SGIP1: variants seen among roughly 807,000 people sequenced by gnomAD.
SGIP1 encodes SH3GL interacting endocytic adaptor 1, also known as SH3-containing GRB2-like protein 3-interacting protein 1.
A neutral mutation model predicts 107.5 loss-of-function variants in SGIP1; 38 were observed. The observed-to-expected ratio is 0.35, with a 90% CI of 0.27 to 0.46. SGIP1 has a LOEUF of 0.46. SGIP1 is among the 20% of genes least tolerant of loss of function. SGIP1 has a pLI of 1.00. For synonymous variants in SGIP1, 365 were observed against 366.1 expected, an observed-to-expected ratio of 1.00 and a Z score of 0.03; for missense variants, 929 against 1,019.5, an observed-to-expected ratio of 0.91 and a Z score of 1.21.
At chr1:66,633,021 G>T (rs773766097) in intron 2 of SGIP1, 49 bp from the exon 3 acceptor site, 19 of 1,230,922 alleles carry the variant, frequency 1.5e-5, no homozygotes, top group Non-Finnish European at 2.2e-5. Flanking sequence ...AGTCTATGTG[G>T]CAAGAATGAT....
At chr1:66,720,467 C>T (rs577713427) in intron 19 of SGIP1, among the ~76,000 whole-genome samples, 1 of 152,298 alleles carries the variant, frequency 6.6e-6, no homozygotes, top group Non-Finnish European at 1.5e-5. Context: ...GTGGCTCACA[C>T]CTGTAATTCC....
At chr1:66,677,890 C>T (rs1364175219) in intron 13 of SGIP1, among the ~76,000 whole-genome samples, 1 of 152,208 alleles carries the variant, frequency 6.6e-6, no homozygotes, top group Non-Finnish European at 1.5e-5. Flanking sequence ...TACAGACCAA[C>T]CAATACTTTT....
chr1:66,653,606 A>T (rs2079146261), intron 7 of SGIP1, among the ~76,000 whole-genome samples: 1 of 152,190 alleles, frequency 6.6e-6, no homozygotes, highest in African/African-American at 2.4e-5. Flanking sequence ...TGGAAACATG[A>T]TCACCATGGT....
intron 18 of SGIP1, among the ~76,000 whole-genome samples, chr1:66,703,629 G>A (rs1481571220): frequency 6.6e-6 from 1 of 150,926 alleles, no homozygotes; most frequent in African/African-American, 2.4e-5. Context: ...TATATCATAT[G>A]TGTGATATGT....
intron 1 of SGIP1, among the ~76,000 whole-genome samples, chr1:66,559,356 C>T (rs1289105480): frequency 2.0e-5 from 3 of 152,054 alleles, no homozygotes; most frequent in Non-Finnish European, 2.9e-5. Context: ...GGAGCTACTA[C>T]TTTTCCTATA....
At position 66,748,120 on chromosome 1, in the gene SGIP1, T is replaced by C; in HGVS notation, c.*5025T>C. 6.6e-6 allele frequency: 1 copy of C among 152,018 alleles called. No homozygotes were observed. Among genetic ancestry groups the C allele is most frequent in the East Asian group, 1.9e-4 (1 of 5,204 alleles). The allele number at this position is 152,018 out of a possible 1,614,324, so 9.4% of individuals were successfully genotyped here. On this transcript the variant is annotated 3_prime_UTR_variant, in exon 25 of 25. Transcript: ENST00000371037. Reference sequence around the variant, plus strand: ...ACTTTCCTCTTAAGGTTTTATTGTATTTTCCCTGCTCCTTTAGGCTTTTTT... The same window carrying C: ...ACTTTCCTCTTAAGGTTTTATTGTACTTTCCCTGCTCCTTTAGGCTTTTTT...
chr1:66,629,841 T>C (rs531448638), intron 2 of SGIP1, among the ~76,000 whole-genome samples: 17 of 152,328 alleles, frequency 1.1e-4, no homozygotes, highest in African/African-American at 3.8e-4. Context: ...ATTATTATTC[T>C]AGAAAACATT....
intron 9 of SGIP1, among the ~76,000 whole-genome samples, chr1:66,669,697 C>T (rs2083344553): frequency 6.6e-6 from 1 of 152,102 alleles, no homozygotes; most frequent in Admixed American, 6.6e-5. Context: ...TAGTAATTCT[C>T]TATATGACAC....
intron 1 of SGIP1, among the ~76,000 whole-genome samples, chr1:66,555,026 C>A (rs535043826): frequency 6.6e-6 from 1 of 152,130 alleles, no homozygotes; most frequent in South Asian, 2.1e-4. Flanking sequence ...TCTCCTTTAT[C>A]TCATAAGTTC....
chr1:66,706,726 T>A (rs536388608), intron 18 of SGIP1, among the ~76,000 whole-genome samples: 1 of 152,156 alleles, frequency 6.6e-6, no homozygotes, highest in African/African-American at 2.4e-5. Context: ...TAGCTGTAGA[T>A]GACCACTATT....
intron 8 of SGIP1, among the ~76,000 whole-genome samples, chr1:66,661,280 T>C (rs1384147733): frequency 6.6e-6 from 1 of 152,276 alleles, no homozygotes; most frequent in Middle Eastern, 3.4e-3. Flanking sequence ...TGCTGGAAAA[T>C]AGGAAGATAT....
intron 16 of SGIP1, among the ~76,000 whole-genome samples, 197 bp from the exon 17 acceptor site, chr1:66,689,993 A>G (rs2089460433): frequency 6.6e-6 from 1 of 152,220 alleles, no homozygotes; most frequent in Non-Finnish European, 1.5e-5. Flanking sequence ...CAGCTTTAGC[A>G]TGTTATGGTT....
chr1:66,707,584 G>C (rs542659290), intron 18 of SGIP1, among the ~76,000 whole-genome samples: 1 of 152,258 alleles, frequency 6.6e-6, no homozygotes, highest in South Asian at 2.1e-4. Context: ...TAGCACCTGA[G>C]TGTTCCTTTA....
intron 15 of SGIP1, chr1:66,684,001 G>C: frequency 2.7e-6 from 4 of 1,476,010 alleles, no homozygotes. Context: ...ATAGGCTTGA[G>C]CTACCGCGCC....
intron 5 of SGIP1, among the ~76,000 whole-genome samples, chr1:66,641,113 G>T (rs901984472): frequency 1.3e-5 from 2 of 151,984 alleles, no homozygotes; most frequent in Non-Finnish European, 2.9e-5. Context: ...AATGGAAGAA[G>T]TAGGTCAAAG....
intron 1 of SGIP1, among the ~76,000 whole-genome samples, chr1:66,589,204 A>AGG (rs2063185515): frequency 1.7e-5 from 1 of 57,472 alleles, no homozygotes; most frequent in African/African-American, 6.0e-5. Flanking sequence ...ATATATATAT[A>AGG]TATATATATA....
chr1:66,645,204 T>C (rs78578323), intron 7 of SGIP1, among the ~76,000 whole-genome samples: 1,737 of 152,256 alleles, frequency 0.011, 12 homozygotes, highest in Non-Finnish European at 0.019. Context: ...GAGGATTAAG[T>C]GAACACATTT....
At chr1:66,633,036 T>G (rs755106753) in intron 2 of SGIP1, 34 bp from the exon 3 acceptor site, 2 of 1,397,784 alleles carry the variant, frequency 1.4e-6, no homozygotes, top group Non-Finnish European at 2.0e-6. Context: ...AATGATTCCT[T>G]ATCATAATAG....
chr1:66,550,452 T>C (rs2057236848), intron 1 of SGIP1, among the ~76,000 whole-genome samples: 1 of 152,054 alleles, frequency 6.6e-6, no homozygotes, highest in African/African-American at 2.4e-5. Context: ...TGCCAAAACA[T>C]AACTGCCCCA....
Sources: gnomAD v4.1 joint callset for allele counts (sites outside exome capture counted in the v4.1 genomes callset) on GRCh38, gnomAD v4.1.1 for gene constraint, MANE v1.5 for transcripts, NCBI Gene and HGNC (gene_info 2026-07-23, HGNC 2026-07-21) for gene names.